The following LTBP1 variants were observed in gnomAD, a reference collection of about 807,000 sequenced individuals.
The protein encoded by LTBP1 is latent-transforming growth factor beta-binding protein 1.
In LTBP1, 129 loss-of-function variants were observed where a neutral mutation model predicts 207.6. That is an observed-to-expected ratio of 0.62 (90% CI 0.54 to 0.72). The LOEUF (loss-of-function observed/expected upper bound fraction) is 0.72. LTBP1 is among the 30% of genes least tolerant of loss of function. The pLI is 0.00. For missense variants in LTBP1, 2,281 were observed against 2,217.2 expected (o/e 1.03, Z -0.58); for synonymous variants, 963 against 833.7 (o/e 1.16, Z -2.67).
chr2:33,237,872 G>T (rs948112782), intron 9 of LTBP1, among the ~76,000 whole-genome samples: 7 of 152,158 alleles, frequency 4.6e-5, no homozygotes, highest in African/African-American at 1.4e-4. Context: ...AGGAAAGGAA[G>T]ATTGGCAAAT....
chr2:32,952,689 T>A (rs539531665), intron 2 of LTBP1, among the ~76,000 whole-genome samples: 30 of 152,248 alleles, frequency 2.0e-4, no homozygotes, highest in African/African-American at 6.7e-4. Context: ...ATGCCCTGCA[T>A]TGGTTCTGCC....
chr2:33,198,463 AGAAGGAAT>A (rs1217444484), intron 7 of LTBP1, among the ~76,000 whole-genome samples: 1 of 152,180 alleles, frequency 6.6e-6, no homozygotes, highest in Admixed American at 6.5e-5. Context: ...GAATAGTTTC[AGAAGGAAT>A]GGTACCAGTT....
Position 33,273,756 on chromosome 2 carries a change from C to A in LTBP1, c.2718C>A (p.Phe906Leu). The A allele has an allele frequency of 6.2e-7, 1 of 1,607,530 alleles. No homozygotes were observed. Among genetic ancestry groups the A allele is most frequent in the South Asian group, 1.1e-5 (1 of 89,450 alleles). Residue 906 changes from phenylalanine (F) to leucine (L), a missense_variant, in exon 16 of 34, where the codon TTC (phenylalanine) becomes TTA (leucine). By Grantham distance (22) the Phe-to-Leu change is conservative. This residue lies in a region of LTBP1 where 1,671 missense variants were observed against 1,634.8 expected (regional missense o/e 1.02). Transcript: ENST00000404816. ...GTATATGCTACGAGGGCTACAGGTT[C>A]AGTGAACAACAGAGGAAATGTGTGG... ...YTCICYEGYR[F>L]SEQQRKCVDI...
intron 10 of LTBP1, among the ~76,000 whole-genome samples, chr2:33,250,283 A>C (rs943880146): frequency 6.6e-6 from 1 of 152,234 alleles, no homozygotes; most frequent in Non-Finnish European, 1.5e-5. Context: ...ATAGTTGTAG[A>C]TTAAAGAAAA....
chr2:33,396,381 C>T lies in LTBP1; in HGVS notation c.4835-752C>T, dbSNP rs138275058. Among the ~76,000 whole-genome samples, 322 of 152,098 alleles carry T rather than the reference C, an allele frequency of 2.1e-3. 1 individual carries two copies. Among genetic ancestry groups the T allele is most frequent in the African/African-American group, 7.0e-3 (291 of 41,490 alleles). On this transcript the variant is annotated intron_variant, in intron 32 of 33. Transcript: ENST00000404816. ...GATTACAGGTGTCCACCACCACGCC[C>T]GGCTAATTTTCTGTATTTTTAGTAG... is the stretch of plus-strand genomic sequence containing the variant.
chr2:33,160,474 TG>T (rs1378271234), intron 5 of LTBP1, among the ~76,000 whole-genome samples: 1 of 152,192 alleles, frequency 6.6e-6, no homozygotes, highest in Non-Finnish European at 1.5e-5. Flanking sequence ...TGAATGCCTG[TG>T]TAAGTTTGGT....
chr2:32,993,969 A>AGTGTGTGTGTGTGTGTGTGT (rs70938383), intron 2 of LTBP1, among the ~76,000 whole-genome samples: 4 of 138,384 alleles, frequency 2.9e-5, no homozygotes, highest in Admixed American at 7.1e-5. Context: ...CAGTTAGGGG[A>AGTGTGTGTGTGTGTGTGTGT]GTGTGTGTGT....
intron 10 of LTBP1, among the ~76,000 whole-genome samples, chr2:33,247,930 C>T (rs1396096743): frequency 1.3e-5 from 2 of 152,230 alleles, no homozygotes; most frequent in Non-Finnish European, 2.9e-5. Context: ...ATTTTTTGCC[C>T]ATGGTAACAT....
intron 4 of LTBP1, among the ~76,000 whole-genome samples, chr2:33,124,047 T>C (rs1469340751): frequency 6.6e-6 from 1 of 152,202 alleles, no homozygotes; most frequent in Non-Finnish European, 1.5e-5. Flanking sequence ...TTTAACACAA[T>C]AACATGTTTT....
At chr2:33,080,361 C>G (rs34924458) in intron 3 of LTBP1, among the ~76,000 whole-genome samples, 6,776 of 152,202 alleles carry the variant, frequency 0.045, 205 homozygotes, top group South Asian at 0.076. Flanking sequence ...ACCAATGTCC[C>G]CATTTGTTTA....
Position 32,947,183 on chromosome 2 carries a change from C to A in LTBP1, c.-142C>A. On this transcript the variant is annotated 5_prime_UTR_variant, in exon 1 of 34. Transcript: ENST00000404816. ...CAGCTGCCCGCAGAGCCTCCTCCCT[C>A]GCCACCGACTTGGTCTCCTCCCGCC... The A allele has an allele frequency of 1.9e-6, 1 of 533,594 alleles. No homozygotes were observed. The highest frequency in any genetic ancestry group is 2.8e-6 in the Non-Finnish European group (1 of 359,588). The allele number at this position is 533,594 out of a possible 1,614,324, so 33.1% of individuals were successfully genotyped here.
At chr2:33,020,030 C>G (rs970489952) in intron 2 of LTBP1, among the ~76,000 whole-genome samples, 47 of 152,134 alleles carry the variant, frequency 3.1e-4, no homozygotes, top group African/African-American at 1.1e-3. Flanking sequence ...CTTTAAAACT[C>G]TGTTTGGTCA....
intron 5 of LTBP1, among the ~76,000 whole-genome samples, chr2:33,186,172 C>T (rs1362251538): frequency 6.6e-6 from 1 of 152,124 alleles, no homozygotes; most frequent in Non-Finnish European, 1.5e-5. Context: ...TTCTGGGTAG[C>T]ATTTAGTGTC....
chr2:33,308,746 G>C (rs1273575761), intron 22 of LTBP1, among the ~76,000 whole-genome samples: 1 of 151,974 alleles, frequency 6.6e-6, no homozygotes, highest in Non-Finnish European at 1.5e-5. Context: ...AATATAGTTT[G>C]TTTCTTTGAA....
chr2:33,167,200 A>C (rs1234554979), intron 5 of LTBP1, among the ~76,000 whole-genome samples: 1 of 152,246 alleles, frequency 6.6e-6, no homozygotes, highest in Non-Finnish European at 1.5e-5. Flanking sequence ...TAATTTGGAA[A>C]GAATCAATAA....
intron 5 of LTBP1, among the ~76,000 whole-genome samples, chr2:33,176,447 G>A (rs1314385539): frequency 2.0e-5 from 3 of 152,134 alleles, no homozygotes; most frequent in African/African-American, 4.8e-5. Context: ...GGATGGTCTC[G>A]ATCTCCTGAC....
At chr2:33,031,109 T>C (rs1420186401) in intron 3 of LTBP1, among the ~76,000 whole-genome samples, 1 of 152,190 alleles carries the variant, frequency 6.6e-6, no homozygotes, top group Admixed American at 6.5e-5. Flanking sequence ...TTTTTTATGC[T>C]CAAATTTGGA....
In LTBP1 at chr2:33,293,161, T is replaced by C; in HGVS notation, c.3114T>C (p.Asp1038=). ...GFRGWNGQCL[D]VDECLEPNVC... ...TTCCATTACGCAACATTCTTCAAGA[T>C]GTGGACGAGTGCCTGGAACCAAACG... The change falls in exon 20 of 34, where the codon GAT becomes GAC. Residue 1038 remains aspartate (D), a splice_region_variant and synonymous_variant. Coordinates refer to ENST00000404816, the MANE Select transcript of LTBP1 (RefSeq NM_206943.4). 2.2e-5 allele frequency: 35 copies of C among 1,611,724 alleles called. No homozygotes were observed. The highest frequency in any genetic ancestry group is 2.9e-5 in the Non-Finnish European group (34 of 1,179,430).
chr2:33,137,595 A>G (rs748731792), intron 5 of LTBP1, among the ~76,000 whole-genome samples: 9 of 152,240 alleles, frequency 5.9e-5, no homozygotes, highest in Non-Finnish European at 1.2e-4. Context: ...TTCTCTAAGG[A>G]GTCAACATAA....
Sources: gnomAD v4.1 joint callset for allele counts (sites outside exome capture counted in the v4.1 genomes callset) on GRCh38, gnomAD v4.1.1 for gene constraint, gnomAD v4.1.1 regional missense constraint, MANE v1.5 for transcripts, NCBI Gene and HGNC (gene_info 2026-07-23, HGNC 2026-07-21) for gene names.